The following CEP290 variants were observed in gnomAD, a reference collection of about 807,000 sequenced individuals.
CEP290 encodes centrosomal protein 290, also known as centrosomal protein of 290 kDa.
Under a neutral mutation model 344.9 loss-of-function variants are expected in CEP290, and 317 were observed. The observed-to-expected ratio is 0.92, with a 90% CI of 0.84 to 1.01. CEP290 has a LOEUF of 1.01. CEP290 is among the 50% of genes least tolerant of loss of function. CEP290 has a pLI of 0.00. For synonymous variants in CEP290, 932 were observed against 895.8 expected, an observed-to-expected ratio of 1.04 and a Z score of -0.72; for missense variants, 2,754 against 2,761.4, an observed-to-expected ratio of 1.00 and a Z score of 0.06.
At position 88,110,697 on chromosome 12, in the gene CEP290, A is replaced by G. The variant is rs182774188; in HGVS notation, c.2367+505T>C. Among the ~76,000 whole-genome samples, 68 of 152,258 alleles carry G rather than the reference A, an allele frequency of 4.5e-4. 1 individual carries two copies. The highest frequency in any genetic ancestry group is 1.1e-3 in the Admixed American group (17 of 15,282). ...GCACTCCAGCCTGAGTGACAGAGTGAGGCTCTGTCTCAAAAAAAAAGTAGT... is the reference window on the plus strand; with the variant it reads ...GCACTCCAGCCTGAGTGACAGAGTGGGGCTCTGTCTCAAAAAAAAAGTAGT... On this transcript the variant is annotated intron_variant, in intron 22 of 53. Coordinates refer to ENST00000552810, the MANE Select transcript of CEP290 (RefSeq NM_025114.4).
chr12:88,050,498 G>T, intron 52 of CEP290, 65 bp from the exon 53 acceptor site: 1 of 714,698 alleles, frequency 1.4e-6, no homozygotes, highest in Non-Finnish European at 2.4e-6. Context: ...CAAGGTAATG[G>T]ATTTGTTCTA....
intron 21 of CEP290, among the ~76,000 whole-genome samples, 163 bp downstream of exon 21, chr12:88,111,531 T>C (rs1320248901): frequency 6.6e-6 from 1 of 152,170 alleles, no homozygotes; most frequent in Non-Finnish European, 1.5e-5. Flanking sequence ...AAGGCACTTA[T>C]TTTCCACTTA....
Position 88,071,730 on chromosome 12 carries a change from T to C in CEP290, c.5855+51A>G, listed in dbSNP as rs2035389937. ...ATGATAAAGCTATATAATTTCCAGG[T>C]CACTAAAGGATTTTACACATAATTA... On this transcript the variant is annotated intron_variant, in intron 42 of 53. Coordinates refer to ENST00000552810, the MANE Select transcript of CEP290 (RefSeq NM_025114.4). 8.7e-6 allele frequency: 12 copies of C among 1,376,036 alleles called. No individual in the cohort carries two copies. The South Asian group carries it at 1.6e-4, about 18-fold the overall frequency. 85.2% of individuals were successfully genotyped at this position (1,376,036 alleles called of 1,614,324 possible).
chr12:88,082,358 C>A (rs946347432), intron 37 of CEP290, among the ~76,000 whole-genome samples: 13 of 152,288 alleles, frequency 8.5e-5, no homozygotes, highest in Admixed American at 8.5e-4. Context: ...CTTCATATAA[C>A]CACCCTGAAA....
At chr12:88,095,594 C>A (rs1360326373) in intron 27 of CEP290, among the ~76,000 whole-genome samples, 7 of 152,150 alleles carry the variant, frequency 4.6e-5, no homozygotes, top group African/African-American at 9.7e-5. Flanking sequence ...CATATTTAAT[C>A]TCTTATTGAG....
chr12:88,090,142 T>C (rs867810451), intron 30 of CEP290, among the ~76,000 whole-genome samples: 7 of 152,198 alleles, frequency 4.6e-5, no homozygotes, highest in African/African-American at 1.7e-4. Flanking sequence ...TACATATAAA[T>C]ACAAGAGAAA....
At chr12:88,076,134 A>G (rs1234206795) in intron 41 of CEP290, among the ~76,000 whole-genome samples, 1 of 152,150 alleles carries the variant, frequency 6.6e-6, no homozygotes, top group African/African-American at 2.4e-5. Flanking sequence ...GATCAGGCCT[A>G]TCCCCAATTA....
chr12:88,050,390 C>G lies in CEP290; in HGVS notation c.7173G>C (p.Gln2391His). The change falls in exon 53 of 54, where the codon CAG (glutamine) becomes CAC (histidine). Residue 2391 changes from glutamine to histidine, a missense_variant. Physicochemically the swap from Gln to His is conservative, Grantham distance 24. Transcript: ENST00000552810. ...GCTTTTCTAGATCTGACATTTTGAG[C>G]TGTGTCTCTAGATCTTTTATTTTTT... ...LKEKIKDLETQLKMSDLEKQH... is the reference protein window; with the variant it reads ...LKEKIKDLETHLKMSDLEKQH... 1.3e-6 allele frequency: 2 copies of G among 1,563,206 alleles called. No individual in the cohort carries two copies. The highest frequency in any genetic ancestry group is 1.7e-6 in the Non-Finnish European group (2 of 1,143,400).
chr12:88,049,569 A>G (rs1055173296), intron 53 of CEP290, 155 bp from the exon 54 acceptor site: 1 of 576,010 alleles, frequency 1.7e-6, no homozygotes. Flanking sequence ...TCTTTGTTCC[A>G]TTGTACAGTG....
rs554549195 is a variant in CEP290 at position 88,108,748 on chromosome 12, G to C, written c.2483+318C>G. On this transcript the variant is annotated intron_variant, in intron 23 of 53. Transcript: ENST00000552810. ...CATTTACGTTTTACAATAATCCTAT[G>C]AAAAGGGTATTACTTACAAAGTAAC... Among the ~76,000 whole-genome samples, 12 of 152,222 alleles carry C rather than the reference G, an allele frequency of 7.9e-5. No homozygotes were observed. The East Asian group carries it at 1.9e-3, about 24-fold the overall frequency.
At chr12:88,091,403 A>C (rs1478014967) in intron 29 of CEP290, among the ~76,000 whole-genome samples, 1 of 3,870 alleles carries the variant, frequency 2.6e-4, no homozygotes, top group Non-Finnish European at 4.5e-3. Flanking sequence ...ATAAAATTAC[A>C]AAAAAAAAAA....
At position 88,060,954 on chromosome 12, in the gene CEP290, G is replaced by T. The variant is rs775860198; in HGVS notation, c.6398C>A (p.Thr2133Asn). The T allele has an allele frequency of 1.2e-5, 18 of 1,560,752 alleles. No individual in the cohort carries two copies. In the South Asian group the frequency reaches 1.8e-4, roughly 16 times the overall value. Residue 2133 changes from threonine (T) to asparagine (N), a missense_variant, in exon 47 of 54, where the codon ACC becomes AAC. Coordinates refer to ENST00000552810, the MANE Select transcript of CEP290 (RefSeq NM_025114.4). The stretch of plus-strand genomic sequence containing the variant: ...AACTACTTTTTTCATTAAACCAATG[G>T]TTTTTTCCAGTTCTGGGATTGTCTT... ...SGKTIPELEK[T>N]IGLMKKVVEK...
chr12:88,099,168 A>C (rs2037685701), intron 26 of CEP290, among the ~76,000 whole-genome samples: 1 of 152,214 alleles, frequency 6.6e-6, no homozygotes, highest in Non-Finnish European at 1.5e-5. Flanking sequence ...AGCTGCGAGG[A>C]TGAAGAAGAC....
chr12:88,130,447 A>G, intron 8 of CEP290, 27 bp from the exon 9 acceptor site: 4 of 1,599,816 alleles, frequency 2.5e-6, no homozygotes, highest in Non-Finnish European at 3.4e-6. Context: ...ACAACATTCA[A>G]TTACAAAACT....
intron 25 of CEP290, among the ~76,000 whole-genome samples, chr12:88,105,470 T>G (rs912452420): frequency 6.6e-6 from 1 of 152,218 alleles, no homozygotes; most frequent in African/African-American, 2.4e-5. Flanking sequence ...GGAGCTAAAC[T>G]TCAAGATAAA....
chr12:88,123,271 G>T (rs1228752798), intron 13 of CEP290, among the ~76,000 whole-genome samples: 3 of 152,062 alleles, frequency 2.0e-5, no homozygotes, highest in Admixed American at 1.3e-4. Context: ...ATCTTAAAGA[G>T]AAAAATGTTT....
chr12:88,082,610 T>G (rs1592828156), intron 37 of CEP290, among the ~76,000 whole-genome samples: 1 of 151,772 alleles, frequency 6.6e-6, no homozygotes, highest in South Asian at 2.1e-4. Flanking sequence ...GGGAAGATGG[T>G]TTGAGCCTGG....
At chr12:88,084,927 AGTT>A in intron 34 of CEP290, 75 bp from the exon 35 acceptor site, 3 of 1,188,972 alleles carry the variant, frequency 2.5e-6, no homozygotes, top group South Asian at 1.5e-5. Flanking sequence ...ATTTTAGATT[AGTT>A]ATTAGCCAAA....
Position 88,086,129 on chromosome 12 carries a change from A to G in CEP290, c.4347T>C (p.Leu1449=). 1.9e-6 allele frequency: 3 copies of G among 1,613,238 alleles called. No individual in the cohort carries two copies. Among genetic ancestry groups the G allele is most frequent in the Non-Finnish European group, 2.5e-6 (3 of 1,179,638 alleles). The change falls in exon 34 of 54, where the codon CTT becomes CTC. Residue 1449 remains leucine, a synonymous_variant. Transcript: ENST00000552810. ...TGSIPDPSLP[L]PNQLEIALRK... ...TTAGAGCGATCTCAAGTTGATTTGG[A>G]AGGGGCAAACTAGGGTCAGGGATTG...
Sources: gnomAD v4.1 joint callset for allele counts (sites outside exome capture counted in the v4.1 genomes callset) on GRCh38, gnomAD v4.1.1 for gene constraint, MANE v1.5 for transcripts, NCBI Gene and HGNC (gene_info 2026-07-23, HGNC 2026-07-21) for gene names.